Variants in TAFA1 observed in about 807,000 individuals in gnomAD.
The protein encoded by TAFA1 is TAFA chemokine like family member 1.
Under a neutral mutation model 18.5 loss-of-function variants are expected in TAFA1, and 4 were observed. The ratio of observed to expected loss-of-function variants is 0.22; its 90% CI spans 0.11 to 0.49. The LOEUF (loss-of-function observed/expected upper bound fraction) is 0.49, where lower values mean the gene tolerates loss of function less well. Among genes scored for constraint, TAFA1 ranks in the 20% least tolerant of loss-of-function variants. The pLI, the probability that TAFA1 is intolerant of heterozygous loss-of-function variation, is 0.98. For missense variants in TAFA1, 147 were observed against 169.0 expected (o/e 0.87, Z 0.72); for synonymous variants, 56 against 55.2 (o/e 1.01, Z -0.06).
At chr3:68,053,405 G>A (rs892089631) in intron 2 of TAFA1, among the ~76,000 whole-genome samples, 1 of 152,076 alleles carries the variant, frequency 6.6e-6, no homozygotes, top group Non-Finnish European at 1.5e-5. Flanking sequence ...TTTAAGCCAT[G>A]AGCATGAACT....
chr3:68,351,456 G>A (rs186445462), intron 2 of TAFA1, among the ~76,000 whole-genome samples: 2 of 152,104 alleles, frequency 1.3e-5, no homozygotes, highest in East Asian at 1.9e-4. Flanking sequence ...ACCCCCATAG[G>A]TTTGTAGTTA....
chr3:68,426,787 A>T (rs1439275898), intron 3 of TAFA1, among the ~76,000 whole-genome samples: 1 of 151,918 alleles, frequency 6.6e-6, no homozygotes, highest in Non-Finnish European at 1.5e-5. Flanking sequence ...TATGTGCATT[A>T]TAATTGCAAT....
chr3:68,077,825 G>T (rs2064846530), intron 2 of TAFA1, among the ~76,000 whole-genome samples: 1 of 151,926 alleles, frequency 6.6e-6, no homozygotes, highest in Admixed American at 6.6e-5. Flanking sequence ...CTTTAAAGTA[G>T]TTTTTTTCCA....
At chr3:68,117,183 T>C (rs1046419451) in intron 2 of TAFA1, among the ~76,000 whole-genome samples, 1 of 152,232 alleles carries the variant, frequency 6.6e-6, no homozygotes, top group Non-Finnish European at 1.5e-5. Flanking sequence ...ACTCTCCTCA[T>C]TGCATTATTA....
chr3:68,125,726 G>T (rs2065456434), intron 2 of TAFA1, among the ~76,000 whole-genome samples: 1 of 152,158 alleles, frequency 6.6e-6, no homozygotes, highest in Non-Finnish European at 1.5e-5. Flanking sequence ...AGCCACTGCT[G>T]TGGTGGGCAG....
the TAFA1 span, among the ~76,000 whole-genome samples, chr3:67,995,760 A>G: frequency 1.3e-5 from 2 of 152,180 alleles, no homozygotes; most frequent in African/African-American, 4.8e-5. Flanking sequence ...TTGGAGATGC[A>G]CATTTAGGCA....
At chr3:68,008,823 C>G (rs72626932) in intron 2 of TAFA1, among the ~76,000 whole-genome samples, 4,155 of 152,146 alleles carry the variant, frequency 0.027, 88 homozygotes, top group East Asian at 0.13. Context: ...AGGCAGGGCT[C>G]GGGGCTGGCC....
At chr3:68,137,336 A>T (rs1293499153) in intron 2 of TAFA1, among the ~76,000 whole-genome samples, 1 of 151,924 alleles carries the variant, frequency 6.6e-6, no homozygotes, top group African/African-American at 2.4e-5. Context: ...ACAAGTGTTG[A>T]CCTCCCTTCA....
intron 3 of TAFA1, among the ~76,000 whole-genome samples, chr3:68,483,476 G>A (rs1365042621): frequency 6.6e-6 from 1 of 152,260 alleles, no homozygotes; most frequent in East Asian, 1.9e-4. Flanking sequence ...TGTAGCCTCT[G>A]ATTAAGAAGT....
At chr3:68,378,112 A>G (rs913941422) in intron 2 of TAFA1, among the ~76,000 whole-genome samples, 1 of 152,180 alleles carries the variant, frequency 6.6e-6, no homozygotes, top group Non-Finnish European at 1.5e-5. Context: ...CGGAGTCCCC[A>G]CTAGGGCACT....
intron 2 of TAFA1, among the ~76,000 whole-genome samples, chr3:68,387,812 G>A (rs2070137176): frequency 6.6e-6 from 1 of 152,008 alleles, no homozygotes; most frequent in African/African-American, 2.4e-5. Context: ...AGGAACTCAT[G>A]GTTACTTTCT....
intron 2 of TAFA1, among the ~76,000 whole-genome samples, chr3:68,189,786 A>G (rs1399767652): frequency 6.6e-6 from 1 of 151,972 alleles, no homozygotes; most frequent in Non-Finnish European, 1.5e-5. Flanking sequence ...ATAAAATAAG[A>G]TCATGCAGGA....
At chr3:68,347,168 T>C (rs2069176529) in intron 2 of TAFA1, among the ~76,000 whole-genome samples, 1 of 152,182 alleles carries the variant, frequency 6.6e-6, no homozygotes, top group South Asian at 2.1e-4. Flanking sequence ...GAAAGTGTGA[T>C]TTTTGCTATT....
chr3:68,271,544 A>C (rs1413505068), intron 2 of TAFA1, among the ~76,000 whole-genome samples: 1 of 152,156 alleles, frequency 6.6e-6, no homozygotes, highest in Non-Finnish European at 1.5e-5. Context: ...CTAAGAACCC[A>C]AAGGGAGTAA....
At chr3:68,112,113 CAT>C (rs748052499) in intron 2 of TAFA1, among the ~76,000 whole-genome samples, 3 of 151,892 alleles carry the variant, frequency 2.0e-5, no homozygotes, top group South Asian at 4.2e-4. Flanking sequence ...ATGCTATACT[CAT>C]ATAGAGAAGA....
intron 2 of TAFA1, among the ~76,000 whole-genome samples, chr3:68,302,905 A>C (rs2068331651): frequency 6.6e-6 from 1 of 152,222 alleles, no homozygotes; most frequent in Non-Finnish European, 1.5e-5. Flanking sequence ...AGTTCTATCC[A>C]AGTTCTACTA....
chr3:68,079,911 G>A (rs915493027), intron 2 of TAFA1, among the ~76,000 whole-genome samples: 13 of 151,842 alleles, frequency 8.6e-5, no homozygotes, highest in African/African-American at 2.9e-4. Flanking sequence ...TTGACAGTGG[G>A]GTGTTAAAGT....
At chr3:68,220,720 A>G (rs2066718827) in intron 2 of TAFA1, among the ~76,000 whole-genome samples, 1 of 152,110 alleles carries the variant, frequency 6.6e-6, no homozygotes, top group Non-Finnish European at 1.5e-5. Context: ...TGTGGAGAAG[A>G]TGGATTGTGG....
intron 2 of TAFA1, among the ~76,000 whole-genome samples, chr3:68,266,831 C>A (rs9839008): frequency 1.3e-5 from 2 of 151,914 alleles, no homozygotes; most frequent in Non-Finnish European, 2.9e-5. Context: ...CAACTCTCAG[C>A]GATAAGTATG....
Sources: gnomAD v4.1 joint callset for allele counts (sites outside exome capture counted in the v4.1 genomes callset) on GRCh38, gnomAD v4.1.1 for gene constraint, MANE v1.5 for transcripts, NCBI Gene and HGNC (gene_info 2026-07-23, HGNC 2026-07-21) for gene names.